NXPH1: variants seen among roughly 807,000 people sequenced by gnomAD.
NXPH1 encodes neurexophilin-1.
In NXPH1, 5 loss-of-function variants were observed where a neutral mutation model predicts 23.7. The observed-to-expected ratio is 0.21, with a 90% CI of 0.11 to 0.44. NXPH1 has a LOEUF of 0.44. NXPH1 is among the 20% of genes least tolerant of loss of function. NXPH1 has a pLI of 0.99. For synonymous variants in NXPH1, 144 were observed against 122.2 expected, an observed-to-expected ratio of 1.18 and a Z score of -1.18; for missense variants, 324 against 321.6, an observed-to-expected ratio of 1.01 and a Z score of -0.06.
chr7:8,466,684 T>A (rs930307862), intron 2 of NXPH1, among the ~76,000 whole-genome samples: 1 of 152,176 alleles, frequency 6.6e-6, no homozygotes, highest in South Asian at 2.1e-4. Context: ...ATTACTCATA[T>A]TACCTATTTT....
intron 2 of NXPH1, among the ~76,000 whole-genome samples, chr7:8,595,759 A>T (rs896671703): frequency 2.0e-5 from 3 of 151,750 alleles, no homozygotes; most frequent in Admixed American, 1.3e-4. Context: ...GCTTCTGGGG[A>T]GGGATGGTTT....
intron 2 of NXPH1, among the ~76,000 whole-genome samples, chr7:8,592,126 G>C (rs1401601411): frequency 6.6e-6 from 1 of 151,974 alleles, no homozygotes; most frequent in Non-Finnish European, 1.5e-5. Flanking sequence ...AAACCAAAGA[G>C]GTGTTAGGAT....
At chr7:8,473,846 C>T (rs1816915203) in intron 2 of NXPH1, among the ~76,000 whole-genome samples, 2 of 151,942 alleles carry the variant, frequency 1.3e-5, no homozygotes, top group Admixed American at 1.3e-4. Context: ...GATGAATCTA[C>T]CCCCAAAGAA....
chr7:8,527,074 C>A (rs1817873113), intron 2 of NXPH1, among the ~76,000 whole-genome samples: 1 of 152,120 alleles, frequency 6.6e-6, no homozygotes, highest in South Asian at 2.1e-4. Context: ...TAGAATTTTC[C>A]TATTAATTGG....
In NXPH1 at chr7:8,508,253, C is replaced by A. The variant is rs188927924; in HGVS notation, c.54+72486C>A. 2.6e-5 allele frequency among the ~76,000 whole-genome samples: 4 copies of A among 152,230 alleles called. No individual in the cohort carries two copies. In the East Asian group the frequency reaches 7.8e-4, roughly 30 times the overall value. ...TATTTATAGGTATATTTCAACCCAA[C>A]AGACGGTCTAGACATTTTCTGCTAA... On this transcript the variant is annotated intron_variant, in intron 2 of 2. Transcript: ENST00000405863.
intron 2 of NXPH1, among the ~76,000 whole-genome samples, chr7:8,655,363 T>C (rs1018428717): frequency 6.6e-6 from 1 of 151,298 alleles, no homozygotes; most frequent in East Asian, 2.0e-4. Flanking sequence ...CCAGCCTGGG[T>C]GACAAAGGGA....
intron 2 of NXPH1, among the ~76,000 whole-genome samples, chr7:8,646,863 ATT>A (rs57038153): frequency 5.9e-4 from 89 of 150,076 alleles, no homozygotes; most frequent in African/African-American, 1.8e-3. Flanking sequence ...GGTTTCTGTC[ATT>A]TTTTTTTTTA....
At chr7:8,526,366 G>A (rs1708210935) in intron 2 of NXPH1, among the ~76,000 whole-genome samples, 1 of 152,190 alleles carries the variant, frequency 6.6e-6, no homozygotes, top group Non-Finnish European at 1.5e-5. Flanking sequence ...ATAGGCGGAA[G>A]GGACTTGACT....
intron 2 of NXPH1, among the ~76,000 whole-genome samples, chr7:8,530,922 C>A (rs1817940758): frequency 6.6e-6 from 1 of 152,136 alleles, no homozygotes; most frequent in East Asian, 1.9e-4. Flanking sequence ...GTTCAGTTAG[C>A]AATGAGGTAT....
chr7:8,479,581 G>T (rs1258316635), intron 2 of NXPH1, among the ~76,000 whole-genome samples: 1 of 152,114 alleles, frequency 6.6e-6, no homozygotes, highest in Non-Finnish European at 1.5e-5. Flanking sequence ...AGCACTCCTA[G>T]CATCCAGATC....
chr7:8,480,644 A>T (rs181130488), intron 2 of NXPH1, among the ~76,000 whole-genome samples: 9 of 152,316 alleles, frequency 5.9e-5, no homozygotes, highest in Admixed American at 4.6e-4. Context: ...CACTCCCTGA[A>T]TAGCCTCTAA....
chr7:8,639,963 A>C (rs1820281326), intron 2 of NXPH1, among the ~76,000 whole-genome samples: 1 of 152,142 alleles, frequency 6.6e-6, no homozygotes, highest in South Asian at 2.1e-4. Flanking sequence ...CGAACTAATA[A>C]ACCTAGCTTC....
intron 2 of NXPH1, among the ~76,000 whole-genome samples, chr7:8,696,277 T>C (rs773276903): frequency 3.4e-4 from 52 of 152,198 alleles, no homozygotes; most frequent in Non-Finnish European, 6.2e-4. Context: ...CACTCATCCA[T>C]TTATTCATTC....
intron 2 of NXPH1, among the ~76,000 whole-genome samples, chr7:8,750,580 A>G (rs1455442802): frequency 6.6e-6 from 1 of 152,140 alleles, no homozygotes; most frequent in Non-Finnish European, 1.5e-5. Context: ...TGATTTCAAA[A>G]ATGTTTGAAT....
At chr7:8,575,121 G>A (rs1165423514) in intron 2 of NXPH1, among the ~76,000 whole-genome samples, 1 of 152,114 alleles carries the variant, frequency 6.6e-6, no homozygotes, top group Non-Finnish European at 1.5e-5. Context: ...TTCTGACTAA[G>A]CCTTCTAATT....
At chr7:8,490,312 A>G (rs1389221644) in intron 2 of NXPH1, among the ~76,000 whole-genome samples, 1 of 152,120 alleles carries the variant, frequency 6.6e-6, no homozygotes, top group Non-Finnish European at 1.5e-5. Flanking sequence ...GAGTACAGAA[A>G]TTACTAGACT....
At chr7:8,528,042 G>A (rs1344810444) in intron 2 of NXPH1, among the ~76,000 whole-genome samples, 3 of 152,164 alleles carry the variant, frequency 2.0e-5, no homozygotes, top group Non-Finnish European at 1.5e-5. Context: ...AAACTCATAC[G>A]GGTGGTTCTT....
intron 2 of NXPH1, among the ~76,000 whole-genome samples, chr7:8,485,361 G>C (rs112998604): frequency 5.3e-5 from 8 of 152,176 alleles, no homozygotes; most frequent in African/African-American, 1.7e-4. Context: ...CCAGTCTTGG[G>C]TATGTCTTTA....
intron 2 of NXPH1, among the ~76,000 whole-genome samples, chr7:8,695,794 T>C (rs901965280): frequency 8.5e-5 from 13 of 152,238 alleles, no homozygotes; most frequent in Non-Finnish European, 1.6e-4. Context: ...TGAATTTTAA[T>C]CAATAGGAAG....
Sources: gnomAD v4.1 joint callset for allele counts (sites outside exome capture counted in the v4.1 genomes callset) on GRCh38, gnomAD v4.1.1 for gene constraint, MANE v1.5 for transcripts, NCBI Gene and HGNC (gene_info 2026-07-23, HGNC 2026-07-21) for gene names.